RYR2: variants seen among roughly 807,000 people sequenced by gnomAD.
RYR2 encodes ryanodine receptor 2.
A neutral mutation model predicts 601.1 loss-of-function variants in RYR2; 227 were observed. The ratio of observed to expected loss-of-function variants is 0.38; its 90% CI spans 0.34 to 0.42. RYR2 has a LOEUF of 0.42. Among genes scored for constraint, RYR2 ranks in the 10% least tolerant of loss-of-function variants. The pLI, the probability that RYR2 is intolerant of heterozygous loss-of-function variation, is 1.00. For missense variants in RYR2, 4,646 were observed against 6,156.5 expected, an observed-to-expected ratio of 0.75 and a Z score of 8.21; for synonymous variants, 2,223 against 2,175.1, an observed-to-expected ratio of 1.02 and a Z score of -0.61.
intron 29 of RYR2, among the ~76,000 whole-genome samples, chr1:237,587,815 G>A (rs1674701494): frequency 6.6e-6 from 1 of 152,134 alleles, no homozygotes; most frequent in Admixed American, 6.5e-5. Context: ...CAACTATACA[G>A]ATATTTACAG....
intron 2 of RYR2, among the ~76,000 whole-genome samples, chr1:237,287,031 C>G (rs1371228032): frequency 6.6e-6 from 1 of 152,108 alleles, no homozygotes; most frequent in Non-Finnish European, 1.5e-5. Flanking sequence ...GGTGAATTCT[C>G]TCAGCATTTG....
intron 46 of RYR2, 84 bp downstream of exon 46, chr1:237,639,285 T>C (rs1272524786): frequency 2.4e-6 from 3 of 1,264,952 alleles, no homozygotes; most frequent in Admixed American, 2.8e-5. Context: ...TCCTATGAAT[T>C]GTAATATAAC....
At chr1:237,729,991 A>G (rs1690533319) in intron 76 of RYR2, among the ~76,000 whole-genome samples, 1 of 152,166 alleles carries the variant, frequency 6.6e-6, no homozygotes, top group African/African-American at 2.4e-5. Context: ...TCCTGGTTTT[A>G]TAAAGGAATA....
chr1:237,682,881 C>T lies in RYR2; in HGVS notation c.9017+2304C>T, dbSNP rs538024842. 2.4e-4 allele frequency among the ~76,000 whole-genome samples: 36 copies of T among 152,010 alleles called. No individual in the cohort carries two copies. The South Asian group carries it at 7.3e-3, about 31-fold the overall frequency. On this transcript the variant is annotated intron_variant, in intron 62 of 104. Coordinates refer to ENST00000366574, the MANE Select transcript of RYR2 (RefSeq NM_001035.3). ...TTATGTTATTACAGTACTTTAGTGCCAAACATAGCTAGAATTTAACCTCAG... is the reference window on the plus strand; with the variant it reads ...TTATGTTATTACAGTACTTTAGTGCTAAACATAGCTAGAATTTAACCTCAG...
chr1:237,801,404 C>T (rs1260162880), intron 97 of RYR2, among the ~76,000 whole-genome samples: 2 of 148,164 alleles, frequency 1.3e-5, no homozygotes, highest in Admixed American at 6.7e-5. Context: ...TCGCTGGGAG[C>T]GGTAGCACAT....
At chr1:237,759,597 G>T (rs758090147) in intron 82 of RYR2, among the ~76,000 whole-genome samples, 179 bp from the exon 83 acceptor site, 1 of 152,146 alleles carries the variant, frequency 6.6e-6, no homozygotes, top group Non-Finnish European at 1.5e-5. Context: ...CCAAGTTTGC[G>T]TAACTATCTT....
chr1:237,496,275 G>T (rs2150446061), intron 19 of RYR2, among the ~76,000 whole-genome samples: 1 of 152,288 alleles, frequency 6.6e-6, no homozygotes, highest in South Asian at 2.1e-4. Context: ...GGGCGTGGTG[G>T]CACTCGCCTT....
At chr1:237,223,684 ACTTCT>A (rs1684065728) in intron 1 of RYR2, among the ~76,000 whole-genome samples, 1 of 152,170 alleles carries the variant, frequency 6.6e-6, no homozygotes, top group Non-Finnish European at 1.5e-5. Flanking sequence ...AGGATGTGTG[ACTTCT>A]CTTCTGTCAA....
intron 1 of RYR2, among the ~76,000 whole-genome samples, chr1:237,234,078 TGA>T (rs1685290074): frequency 6.6e-6 from 1 of 152,196 alleles, no homozygotes; most frequent in African/African-American, 2.4e-5. Flanking sequence ...GACATATACA[TGA>T]AATACTGTTT....
At chr1:237,381,107 T>TG (rs1175267417) in intron 8 of RYR2, among the ~76,000 whole-genome samples, 1 of 151,828 alleles carries the variant, frequency 6.6e-6, no homozygotes, top group Admixed American at 6.6e-5. Flanking sequence ...GATCTGGGCT[T>TG]GGTGGTGCAC....
At chr1:237,771,800 A>G (rs1694293012) in intron 85 of RYR2, among the ~76,000 whole-genome samples, 1 of 152,200 alleles carries the variant, frequency 6.6e-6, no homozygotes, top group Non-Finnish European at 1.5e-5. Context: ...CAAAAATTGA[A>G]TATTGATCAT....
At chr1:237,389,857 G>A (rs983770316) in intron 10 of RYR2, among the ~76,000 whole-genome samples, 3 of 152,102 alleles carry the variant, frequency 2.0e-5, no homozygotes, top group Non-Finnish European at 4.4e-5. Context: ...AGTGTAAGGG[G>A]GATATTTAAA....
chr1:237,357,384 T>G (rs968022778), intron 4 of RYR2, among the ~76,000 whole-genome samples: 8 of 152,208 alleles, frequency 5.3e-5, no homozygotes, highest in Admixed American at 1.3e-4. Context: ...CATAGCCCTC[T>G]GTCTTTTCCC....
At chr1:237,419,744 T>C (rs979023239) in intron 11 of RYR2, among the ~76,000 whole-genome samples, 8 of 152,202 alleles carry the variant, frequency 5.3e-5, no homozygotes, top group African/African-American at 1.9e-4. Context: ...GGAATATCAT[T>C]ATTTTAAGAA....
rs11314213 is a variant in RYR2, at chr1:237,814,965, C to CTT, written c.14434-4053_14434-4052dup. The stretch of plus-strand genomic sequence containing the variant: ...ATAATCTGCTCCTTTTTTCTTTTTT[C>CTT]TTTTTTTTTTTTTTTTTTTGCCAAG... On this transcript the variant is annotated intron_variant, in intron 100 of 104. Transcript: ENST00000366574. 4.8e-3 allele frequency among the ~76,000 whole-genome samples: 452 copies of CTT among 93,916 alleles called. 8 individuals are homozygous for CTT. In the East Asian group the frequency reaches 0.07, roughly 15 times the overall value. The allele number at this position is 93,916 out of a possible 152,430, so 61.6% of individuals were successfully genotyped here.
chr1:237,054,570 G>A (rs774139839), intron 1 of RYR2, among the ~76,000 whole-genome samples: 3 of 152,074 alleles, frequency 2.0e-5, no homozygotes, highest in African/African-American at 4.8e-5. Context: ...TGTAGATACC[G>A]AGTGGGTTTA....
chr1:237,477,009 CTTAG>C (rs909717383), intron 17 of RYR2, among the ~76,000 whole-genome samples: 6 of 152,120 alleles, frequency 3.9e-5, no homozygotes, highest in African/African-American at 1.2e-4. Flanking sequence ...CCACAAAAAT[CTTAG>C]TTAGCCAGAG....
At chr1:237,138,874 G>T (rs1673087108) in intron 1 of RYR2, among the ~76,000 whole-genome samples, 1 of 152,212 alleles carries the variant, frequency 6.6e-6, no homozygotes, top group Admixed American at 6.5e-5. Flanking sequence ...CCACCAGAAT[G>T]ACTGTAATAA....
intron 10 of RYR2, among the ~76,000 whole-genome samples, chr1:237,396,130 C>A (rs754004883): frequency 6.6e-6 from 1 of 152,130 alleles, no homozygotes; most frequent in Non-Finnish European, 1.5e-5. Flanking sequence ...GTTGTGAGGT[C>A]CCCCATTTAT....
Sources: gnomAD v4.1 joint callset for allele counts (sites outside exome capture counted in the v4.1 genomes callset) on GRCh38, gnomAD v4.1.1 for gene constraint, MANE v1.5 for transcripts, NCBI Gene and HGNC (gene_info 2026-07-23, HGNC 2026-07-21) for gene names.